PPFIA4: variants seen among roughly 807,000 people sequenced by gnomAD.
The protein encoded by PPFIA4 is PPFI scaffold protein A4, also known as liprin-alpha-4.
In PPFIA4, 98 loss-of-function variants were observed where a neutral mutation model predicts 145.7. That is an observed-to-expected ratio of 0.67 (90% CI 0.57 to 0.80). The LOEUF is 0.80. Among genes scored for constraint, PPFIA4 ranks in the 30% least tolerant of loss-of-function variants. The pLI is 0.00. For synonymous variants in PPFIA4, 628 were observed against 649.6 expected (o/e 0.97, Z 0.51); for missense variants, 1,457 against 1,632.7 (o/e 0.89, Z 1.85).
rs1215845695 is a variant in PPFIA4, at chr1:203,068,696, C to G, written c.3324+68C>G. 7.2e-7 allele frequency: 1 copy of G among 1,385,262 alleles called. No individual in the cohort carries two copies. The highest frequency in any genetic ancestry group is 9.4e-7 in the Non-Finnish European group (1 of 1,058,408). 85.8% of individuals were successfully genotyped at this position (1,385,262 alleles called of 1,614,324 possible). On this transcript the variant is annotated intron_variant, in intron 27 of 29. Coordinates refer to ENST00000295706, the MANE Select transcript of PPFIA4 (RefSeq NM_001304331.2). The surrounding 1 kb of genome is among the most constrained non-coding windows in gnomAD (Gnocchi z 4.7). The stretch of plus-strand genomic sequence containing the variant: ...TCCCTCACTTGCTCTCTTTCTTTCC[C>G]TCATACACAAAGGCTTAGGTATCTT...
intron 4 of PPFIA4, 29 bp downstream of exon 4, chr1:203,044,124 C>T: frequency 6.4e-7 from 1 of 1,550,710 alleles, no homozygotes; most frequent in Non-Finnish European, 8.7e-7. Flanking sequence ...GCCCCCACAT[C>T]CAGCCAGGCT....
chr1:203,045,521 G>C lies in PPFIA4; in HGVS notation c.820G>C (p.Glu274Gln). 6.2e-7 allele frequency: 1 copy of C among 1,604,678 alleles called. No homozygotes were observed. The highest frequency in any genetic ancestry group is 8.5e-7 in the Non-Finnish European group (1 of 1,176,396). ...GTARRDLIKS[E>Q]ELSSKHQRDL... ...GGCCCGCCGGGACCTCATCAAGTCG[G>C]AGGAGCTGAGCAGCAAGCATCAGCG... Residue 274 changes from glutamate (E) to glutamine (Q), a missense_variant, in exon 7 of 30, where the codon GAG becomes CAG. Around this residue, in one of 3 missense-constraint regions of PPFIA4, gnomAD observed 463 missense variants for 459.8 expected, o/e 1.01. Transcript: ENST00000295706.
chr1:203,038,976 C>T lies in PPFIA4; in HGVS notation c.-33C>T, dbSNP rs145592374. On this transcript the variant is annotated 5_prime_UTR_variant, in exon 2 of 30. Transcript: ENST00000295706. ...CAACCCTGTGAGTCCCTCCCTGTCC[C>T]CTGACGCTGAGAAGGCCCTGCCAAC... 408 of 1,234,064 alleles carry T rather than the reference C, an allele frequency of 3.3e-4. 3 individuals are homozygous for T. The African/African-American group carries it at 5.7e-3, about 17-fold the overall frequency. The allele number at this position is 1,234,064 out of a possible 1,614,324, so 76.4% of individuals were successfully genotyped here.
At chr1:203,064,177 T>C (rs997855598) in intron 25 of PPFIA4, among the ~76,000 whole-genome samples, 174 bp downstream of exon 25, 1 of 152,236 alleles carries the variant, frequency 6.6e-6, no homozygotes, top group Non-Finnish European at 1.5e-5. Flanking sequence ...ATCCTGTAAT[T>C]TGAGGATTCG....
At chr1:203,070,585 CAAA>C (rs571325182) in intron 27 of PPFIA4, among the ~76,000 whole-genome samples, 11 of 77,534 alleles carry the variant, frequency 1.4e-4, no homozygotes, top group African/African-American at 3.9e-4. Context: ...CTGTCTCCCT[CAAA>C]AAAAAAAAAA....
Position 203,075,643 on chromosome 1 carries a change from G to C in PPFIA4, c.3460G>C (p.Gly1154Arg). Residue 1154 changes from glycine to arginine, a missense_variant, in exon 29 of 30, where the codon GGT becomes CGT. Physicochemically the swap from Gly to Arg is moderately radical, Grantham distance 125. This residue lies in a region of PPFIA4 where 146 missense variants were observed against 126.2 expected (regional missense o/e 1.16). Transcript: ENST00000295706. The surrounding 1 kb of genome is among the most constrained non-coding windows in gnomAD (Gnocchi z 4.1). ...RKRFRPREHHGRGGMLSASAE... is the reference protein window; with the variant it reads ...RKRFRPREHHRRGGMLSASAE... ...GCGCTTCCGGCCGCGGGAGCACCAC[G>C]GTCGCGGCGGCATGCTCAGCGCTTC... 6.7e-7 allele frequency: 1 copy of C among 1,500,830 alleles called. No homozygotes were observed. Among genetic ancestry groups the C allele is most frequent in the South Asian group, 1.3e-5 (1 of 77,128 alleles). The allele number at this position is 1,500,830 out of a possible 1,614,324, so 93.0% of individuals were successfully genotyped here. A position where few individuals can be genotyped will look rare whatever the true frequency, so the allele number is the denominator to read the frequency against.
Position 203,043,572 on chromosome 1 carries a change from T to A in PPFIA4, c.336+74T>A. ...TGTATGGGGGTGTGTTGTGAACACC[T>A]TGACCAAGAGAGCAGGCAAGAGTGG... On this transcript the variant is annotated intron_variant, in intron 3 of 29. Coordinates refer to ENST00000295706, the MANE Select transcript of PPFIA4 (RefSeq NM_001304331.2). The surrounding 1 kb of genome is among the most constrained non-coding windows in gnomAD (Gnocchi z 4.4). 7.3e-7 allele frequency: 1 copy of A among 1,375,874 alleles called. No individual in the cohort carries two copies. The highest frequency in any genetic ancestry group is 1.0e-6 in the Non-Finnish European group (1 of 989,110). The allele number at this position is 1,375,874 out of a possible 1,614,324, so 85.2% of individuals were successfully genotyped here. A position where few individuals can be genotyped will look rare whatever the true frequency, so the allele number is the denominator to read the frequency against.
In PPFIA4 at chr1:203,045,554, C is replaced by G; in HGVS notation, c.853C>G (p.Arg285Gly). 1 of 1,585,408 alleles carries G rather than the reference C, an allele frequency of 6.3e-7. No homozygotes were observed. Among genetic ancestry groups the G allele is most frequent in the Non-Finnish European group, 8.6e-7 (1 of 1,166,800 alleles). The change falls in exon 7 of 30, where the codon CGG becomes GGG. Residue 285 changes from arginine to glycine, a missense_variant. Around this residue, in one of 3 missense-constraint regions of PPFIA4, gnomAD observed 463 missense variants for 459.8 expected, o/e 1.01. Transcript: ENST00000295706. Reference sequence around the variant, plus strand: ...GAGCAGCAAGCATCAGCGGGACCTCCGGGAGGTGCGTGAGGGCGCAGGCCT... The same window carrying G: ...GAGCAGCAAGCATCAGCGGGACCTCGGGGAGGTGCGTGAGGGCGCAGGCCT... ...ELSSKHQRDLREALAQKEDME... is the reference protein window; with the variant it reads ...ELSSKHQRDLGEALAQKEDME...
chr1:203,051,857 T>C lies in PPFIA4; in HGVS notation c.1600T>C (p.Leu534=). The change falls in exon 14 of 30, where the codon TTG becomes CTG. Residue 534 remains leucine (L), a synonymous_variant. Transcript: ENST00000295706. ...AGGCGTGCATCGCCGCTACTCGGCA[T>C]TGAGGGAAGAGTCTGCCAAGGTGAG... ...PPGVHRRYSA[L]REESAKDWET... is the part of the protein sequence containing the mutation. 2 of 1,613,614 alleles carry C rather than the reference T, an allele frequency of 1.2e-6. No individual in the cohort carries two copies. The highest frequency in any genetic ancestry group is 8.5e-7 in the Non-Finnish European group (1 of 1,179,728).
Position 203,069,330 on chromosome 1 carries a change from C to T in PPFIA4, c.3324+702C>T, listed in dbSNP as rs149060971. Among the ~76,000 whole-genome samples, 1,356 of 152,138 alleles carry T rather than the reference C, an allele frequency of 8.9e-3. 56 individuals are homozygous for T. The highest frequency in any genetic ancestry group is 0.065 in the Admixed American group (988 of 15,282). ...TAGAGTACTTCCTGATTTTATTTGT[C>T]CTGAAAATGCCCCTGTCAGGCCCCT... is the stretch of plus-strand genomic sequence containing the variant. On this transcript the variant is annotated intron_variant, in intron 27 of 29. Coordinates refer to ENST00000295706, the MANE Select transcript of PPFIA4 (RefSeq NM_001304331.2).
intron 1 of PPFIA4, chr1:203,037,114 C>T (rs1311552064): frequency 2.7e-5 from 7 of 260,518 alleles, no homozygotes; most frequent in Admixed American, 4.8e-5. Flanking sequence ...TAACTTTCCT[C>T]AGATCTAGAC....
chr1:203,073,276 G>A (rs1662295660), intron 28 of PPFIA4, among the ~76,000 whole-genome samples: 1 of 152,196 alleles, frequency 6.6e-6, no homozygotes, highest in Non-Finnish European at 1.5e-5. Flanking sequence ...AAGCAGATGC[G>A]AGTCTGATTT....
chr1:203,059,057 C>T (rs1056102574), intron 19 of PPFIA4, 121 bp from the exon 20 acceptor site: 26 of 721,054 alleles, frequency 3.6e-5, no homozygotes, highest in South Asian at 1.9e-4. Flanking sequence ...ATAATGGTCC[C>T]GTCAGGCCAT....
chr1:203,052,571 A>G (rs1409124095), intron 14 of PPFIA4, among the ~76,000 whole-genome samples: 1 of 152,012 alleles, frequency 6.6e-6, no homozygotes, highest in Non-Finnish European at 1.5e-5. Flanking sequence ...CCGATGGGGG[A>G]GTCACAGTCT....
At chr1:203,056,235 C>G in intron 17 of PPFIA4, 80 bp downstream of exon 17, 1 of 1,606,876 alleles carries the variant, frequency 6.2e-7, no homozygotes, top group African/African-American at 1.3e-5. Flanking sequence ...CCCCCAGGGC[C>G]CTTGAGTCTG....
At position 203,033,391 on chromosome 1, in the gene PPFIA4, C is replaced by A. The variant is rs373104441; in HGVS notation, c.-399-5219C>A. 3.9e-5 allele frequency among the ~76,000 whole-genome samples: 6 copies of A among 152,268 alleles called. No individual in the cohort carries two copies. The South Asian group carries it at 1.2e-3, about 32-fold the overall frequency. ...GTAGCCAGAATAGATTTGTAATTTTCTTATTGTAGTTCAGTGGGCCCAGCC... is the reference window on the plus strand; with the variant it reads ...GTAGCCAGAATAGATTTGTAATTTTATTATTGTAGTTCAGTGGGCCCAGCC... On this transcript the variant is annotated intron_variant, in intron 1 of 29. Transcript: ENST00000295706.
intron 20 of PPFIA4, 66 bp from the exon 21 acceptor site, chr1:203,059,704 C>T: frequency 7.2e-7 from 1 of 1,395,710 alleles, no homozygotes. Flanking sequence ...GCCCAGTGGT[C>T]CCTGGAGCAA....
intron 19 of PPFIA4, among the ~76,000 whole-genome samples, chr1:203,057,802 C>T (rs918230984): frequency 1.3e-5 from 2 of 152,140 alleles, no homozygotes; most frequent in African/African-American, 2.4e-5. Context: ...ACAACAGGGG[C>T]GGCCTCCTTT....
chr1:203,030,131 G>A (rs187966414), intron 1 of PPFIA4, among the ~76,000 whole-genome samples: 20 of 152,286 alleles, frequency 1.3e-4, no homozygotes, highest in South Asian at 8.3e-4. Context: ...TCCTTAGAAC[G>A]ATGAAGCCTT....
Sources: gnomAD v4.1 joint callset for allele counts (sites outside exome capture counted in the v4.1 genomes callset) on GRCh38, gnomAD v4.1.1 for gene constraint, gnomAD v4.1.1 regional missense constraint, Gnocchi (gnomAD v3.1) non-coding constraint, MANE v1.5 for transcripts, NCBI Gene and HGNC (gene_info 2026-07-23, HGNC 2026-07-21) for gene names.